ROBO2: variants seen among roughly 807,000 people sequenced by gnomAD.
ROBO2 encodes roundabout homolog 2.
Under a neutral mutation model 160.8 loss-of-function variants are expected in ROBO2, and 53 were observed. The ratio of observed to expected loss-of-function variants is 0.33; its 90% confidence interval spans 0.26 to 0.41. The LOEUF is 0.41. ROBO2 is among the 10% of genes least tolerant of loss of function. ROBO2 has a pLI of 1.00. For missense variants in ROBO2, 1,577 were observed against 1,722.4 expected (o/e 0.92, Z 1.49); for synonymous variants, 664 against 611.7 (o/e 1.09, Z -1.26).
chr3:76,783,124 CTTAAT>C (rs2062757715), intron 2 of ROBO2, among the ~76,000 whole-genome samples: 1 of 150,824 alleles, frequency 6.6e-6, no homozygotes, highest in Non-Finnish European at 1.5e-5. Context: ...CTGATAACAA[CTTAAT>C]TTTTGTTACA....
intron 2 of ROBO2, among the ~76,000 whole-genome samples, chr3:76,853,712 T>A (rs2069675054): frequency 6.6e-6 from 1 of 152,146 alleles, no homozygotes; most frequent in Non-Finnish European, 1.5e-5. Context: ...AGTCTCTAAC[T>A]GTGTCTAGTG....
At chr3:75,997,490 T>C (rs566009684) in intron 2 of ROBO2, among the ~76,000 whole-genome samples, 1 of 117,352 alleles carries the variant, frequency 8.5e-6, no homozygotes, top group Admixed American at 1.0e-4. Context: ...TTTGTTTTGT[T>C]CATCCATTCT....
chr3:77,334,688 T>G (rs2066307121), intron 2 of ROBO2, among the ~76,000 whole-genome samples: 1 of 152,138 alleles, frequency 6.6e-6, no homozygotes, highest in Non-Finnish European at 1.5e-5. Flanking sequence ...TGACAGATAC[T>G]TTCAAGACTG....
chr3:76,004,848 A>G (rs947989259), intron 2 of ROBO2, among the ~76,000 whole-genome samples: 1 of 152,218 alleles, frequency 6.6e-6, no homozygotes, highest in African/African-American at 2.4e-5. Context: ...AATTCATCAA[A>G]ATGAACACTT....
intron 2 of ROBO2, among the ~76,000 whole-genome samples, chr3:77,243,501 G>T (rs987130147): frequency 6.6e-6 from 1 of 152,094 alleles, no homozygotes; most frequent in African/African-American, 2.4e-5. Context: ...CCACACATTA[G>T]CCCATAAGAG....
intron 2 of ROBO2, among the ~76,000 whole-genome samples, chr3:77,420,959 T>C (rs2077659815): frequency 2.0e-5 from 3 of 152,166 alleles, no homozygotes; most frequent in African/African-American, 4.8e-5. Flanking sequence ...CAAATTCCCA[T>C]AAGTTTCCAA....
Position 77,550,992 on chromosome 3 carries a change from G to A in ROBO2, c.1231+3G>A. The A allele has an allele frequency of 6.2e-7, 1 of 1,612,508 alleles. No individual in the cohort carries two copies. The highest frequency in any genetic ancestry group is 8.5e-7 in the Non-Finnish European group (1 of 1,179,000). The stretch of plus-strand genomic sequence containing the variant: ...AGCTCAACTGGAGGTTACTGATGGT[G>A]CGATATCTTTACTAGATTTGTCTTA... On this transcript the variant is annotated splice_donor_region_variant and intron_variant, in intron 8 of 25. Coordinates refer to ENST00000461745, the Ensembl canonical transcript of ROBO2.
chr3:75,980,201 A>G (rs2065238583), intron 2 of ROBO2, among the ~76,000 whole-genome samples: 2 of 151,514 alleles, frequency 1.3e-5, no homozygotes, highest in African/African-American at 4.8e-5. Flanking sequence ...TATTAAGTGA[A>G]TCCTCTGAAC....
At chr3:76,070,406 C>T (rs1423195852) in intron 2 of ROBO2, among the ~76,000 whole-genome samples, 1 of 152,046 alleles carries the variant, frequency 6.6e-6, no homozygotes, top group African/African-American at 2.4e-5. Context: ...CATAGCGCTC[C>T]CAGGCTTATT....
intron 2 of ROBO2, among the ~76,000 whole-genome samples, chr3:76,797,875 A>C (rs2063820839): frequency 1.3e-5 from 2 of 151,944 alleles, no homozygotes; most frequent in Non-Finnish European, 2.9e-5. Flanking sequence ...ACCATGAAGA[A>C]ATGTAAAACC....
intron 2 of ROBO2, among the ~76,000 whole-genome samples, chr3:75,987,305 A>T (rs1419804582): frequency 6.6e-6 from 1 of 151,972 alleles, no homozygotes; most frequent in Non-Finnish European, 1.5e-5. Context: ...TTGATGCTAT[A>T]ATCAATGGAA....
At chr3:77,403,182 G>C (rs1553939370) in intron 2 of ROBO2, among the ~76,000 whole-genome samples, 1 of 152,198 alleles carries the variant, frequency 6.6e-6, no homozygotes, top group Non-Finnish European at 1.5e-5. Flanking sequence ...AACCAAGCTA[G>C]TTAACATGTG....
intron 2 of ROBO2, among the ~76,000 whole-genome samples, chr3:77,350,466 C>T (rs896249773): frequency 6.6e-6 from 1 of 152,142 alleles, no homozygotes; most frequent in African/African-American, 2.4e-5. Context: ...TGGAGATGCT[C>T]TTAACATTTC....
chr3:77,035,660 G>T (rs557269651), upstream of ROBO2, among the ~76,000 whole-genome samples: 1 of 151,888 alleles, frequency 6.6e-6, no homozygotes, highest in African/African-American at 2.4e-5. Context: ...ACTTCAAAAT[G>T]AATCGAATCA....
At chr3:76,917,020 T>C (rs1012706335) in intron 2 of ROBO2, among the ~76,000 whole-genome samples, 2 of 152,116 alleles carry the variant, frequency 1.3e-5, no homozygotes, top group Non-Finnish European at 2.9e-5. Flanking sequence ...CAGACAGATA[T>C]AGCTTAAAAG....
At chr3:76,958,555 A>G (rs2079441176) in intron 2 of ROBO2, among the ~76,000 whole-genome samples, 1 of 152,226 alleles carries the variant, frequency 6.6e-6, no homozygotes, top group Non-Finnish European at 1.5e-5. Flanking sequence ...TGAATTCCCA[A>G]CATCTCAGAG....
At chr3:77,497,991 T>A (rs59552710) in intron 5 of ROBO2, among the ~76,000 whole-genome samples, 1,745 of 151,996 alleles carry the variant, frequency 0.011, 30 homozygotes, top group African/African-American at 0.037. Flanking sequence ...ATGAGAATTT[T>A]AAAAAAAATC....
intron 2 of ROBO2, among the ~76,000 whole-genome samples, chr3:76,143,961 T>A (rs2071788584): frequency 6.6e-6 from 1 of 151,932 alleles, no homozygotes; most frequent in Non-Finnish European, 1.5e-5. Flanking sequence ...TTCTGCCTTT[T>A]TTTTTTCTAT....
chr3:76,974,092 T>A (rs1282955819), intron 2 of ROBO2, among the ~76,000 whole-genome samples: 1 of 152,186 alleles, frequency 6.6e-6, no homozygotes, highest in Non-Finnish European at 1.5e-5. Context: ...TGCAAACAGA[T>A]TAGTCTTTTC....
Sources: gnomAD v4.1 joint callset for allele counts (sites outside exome capture counted in the v4.1 genomes callset) on GRCh38, gnomAD v4.1.1 for gene constraint, MANE v1.5 for transcripts, NCBI Gene and HGNC (gene_info 2026-07-23, HGNC 2026-07-21) for gene names.